Variants in RNF41 observed in about 807,000 individuals in gnomAD.
The protein encoded by RNF41 is E3 ubiquitin-protein ligase NRDP1.
RNF41 carries 4 observed loss-of-function variants against 33.0 expected under a neutral mutation model. That is an observed-to-expected ratio of 0.12 (90% confidence interval 0.06 to 0.28). The LOEUF (loss-of-function observed/expected upper bound fraction) is 0.28, where lower values mean the gene tolerates loss of function less well. RNF41 is among the 10% of genes least tolerant of loss of function. RNF41 has a pLI of 1.00. For synonymous variants in RNF41, 164 were observed against 153.2 expected (o/e 1.07, Z -0.52); for missense variants, 228 against 432.6 (o/e 0.53, Z 4.19).
At chr12:56,213,086 G>A (rs910623940) in intron 3 of RNF41, 5 of 1,289,578 alleles carry the variant, frequency 3.9e-6, no homozygotes, top group Non-Finnish European at 5.1e-6. Context: ...ACCTATTGAA[G>A]GTGGCAGCTT....
At chr12:56,219,666 T>C (rs368238345) in intron 1 of RNF41, among the ~76,000 whole-genome samples, 297 of 9,956 alleles carry the variant, frequency 0.03, 3 homozygotes, top group South Asian at 0.19. Context: ...TATATATGTG[T>C]ATATACACGC....
intron 1 of RNF41, among the ~76,000 whole-genome samples, chr12:56,221,363 C>A (rs75842277): frequency 1.8e-3 from 277 of 152,246 alleles, no homozygotes; most frequent in African/African-American, 5.8e-3. Flanking sequence ...TATGGCGCTT[C>A]GAGGGCGGGG....
Position 56,210,326 on chromosome 12 carries a change from C to T in RNF41, c.333G>A (p.Lys111=), listed in dbSNP as rs145949148. The T allele has an allele frequency of 6.7e-5, 108 of 1,614,014 alleles. No individual in the cohort carries two copies. Among genetic ancestry groups the T allele is most frequent in the Non-Finnish European group, 8.9e-5 (105 of 1,179,914 alleles). The part of the protein sequence containing the change: ...SHLSDCEHNP[K]RPVTCEQGCG... ...AGCCCTGTTCACAGGTCACAGGCCGCTTCGGGTTGTGCTCACAGTCGCTGA... is the reference window on the plus strand; with the variant it reads ...AGCCCTGTTCACAGGTCACAGGCCGTTTCGGGTTGTGCTCACAGTCGCTGA... Residue 111 remains lysine (K), a synonymous_variant, in exon 4 of 7, where the codon AAG becomes AAA. Coordinates refer to ENST00000345093, the MANE Select transcript of RNF41 (RefSeq NM_005785.4).
intron 6 of RNF41, chr12:56,207,190 G>A: frequency 7.5e-7 from 1 of 1,329,160 alleles, no homozygotes; most frequent in Non-Finnish European, 9.8e-7. Context: ...GAACTGTATA[G>A]GACTCCAGAA....
rs760261554 is a variant in RNF41, at chr12:56,207,350, C to G, written c.602+296G>C. 29 of 1,152,924 alleles carry G rather than the reference C, an allele frequency of 2.5e-5. 1 individual carries two copies. Among genetic ancestry groups the G allele is most frequent in the East Asian group, 2.2e-4 (6 of 27,612 alleles). 71.4% of individuals were successfully genotyped at this position (1,152,924 alleles called of 1,614,324 possible). The stretch of plus-strand genomic sequence containing the variant: ...ATATCTTCTATTTCTTTTTGGCCCT[C>G]CTAGCACTCCACAGCCTTTAATACA... On this transcript the variant is annotated intron_variant, in intron 6 of 6. Coordinates refer to ENST00000345093, the MANE Select transcript of RNF41 (RefSeq NM_005785.4).
chr12:56,216,850 G>A (rs1468061516), intron 1 of RNF41, among the ~76,000 whole-genome samples: 2 of 152,118 alleles, frequency 1.3e-5, no homozygotes, highest in Non-Finnish European at 2.9e-5. Flanking sequence ...GAAAGAAAAG[G>A]ACAAGAGAGG....
At position 56,213,985 on chromosome 12, in the gene RNF41, G is replaced by A. The variant is rs1161863743; in HGVS notation, c.63C>T (p.Cys21=). 1 of 1,613,672 alleles carries A rather than the reference G, an allele frequency of 6.2e-7. No homozygotes were observed. The highest frequency in any genetic ancestry group is 8.5e-7 in the Non-Finnish European group (1 of 1,179,766). Residue 21 remains cysteine, a synonymous_variant, in exon 3 of 7, where the codon TGC becomes TGT. Transcript: ENST00000345093. ...GTACTGGCTCCTCCAAGACTCCACTGCAAATAGGGCAGATAAGATCTTCGT... is the reference window on the plus strand; with the variant it reads ...GTACTGGCTCCTCCAAGACTCCACTACAAATAGGGCAGATAAGATCTTCGT... The part of the protein sequence containing the change: ...DVDEDLICPI[C]SGVLEEPVQA...
intron 1 of RNF41, among the ~76,000 whole-genome samples, chr12:56,220,753 G>T (rs143460217): frequency 4.8e-4 from 72 of 151,460 alleles, no homozygotes; most frequent in Non-Finnish European, 5.9e-5. Context: ...AAACAAGAAT[G>T]CAAAATAAAT....
At chr12:56,219,692 A>G (rs1436048670) in intron 1 of RNF41, among the ~76,000 whole-genome samples, 3 of 60,156 alleles carry the variant, frequency 5.0e-5, no homozygotes, top group Non-Finnish European at 1.3e-4. Context: ...CCCCTTATAC[A>G]TACTGTCTGC....
In RNF41 at chr12:56,206,060, T is replaced by C. The variant is rs1490540089; in HGVS notation, c.*387A>G. On this transcript the variant is annotated 3_prime_UTR_variant, in exon 7 of 7. Coordinates refer to ENST00000345093, the MANE Select transcript of RNF41 (RefSeq NM_005785.4). This position sits in a 1 kb window ranked among gnomAD's most constrained non-coding sequence, Gnocchi z 5.7. ...TTAGAGTCAACAGGCCTGACTGCTC[T>C]GATTCCCTGGTTTTGGAGGAGAGGG... 2 of 199,238 alleles carry C rather than the reference T, an allele frequency of 1.0e-5. No individual in the cohort carries two copies. Among genetic ancestry groups the C allele is most frequent in the Non-Finnish European group, 2.1e-5 (2 of 96,078 alleles). 12.3% of individuals were successfully genotyped at this position (199,238 alleles called of 1,614,324 possible).
intron 1 of RNF41, among the ~76,000 whole-genome samples, chr12:56,219,643 A>ATG (rs1565947215): frequency 6.5e-5 from 3 of 46,114 alleles, no homozygotes; most frequent in African/African-American, 1.5e-4. Flanking sequence ...AGGTGTATAT[A>ATG]TGTGTGTGTG....
At chr12:56,217,315 G>A (rs1868979877) in intron 1 of RNF41, among the ~76,000 whole-genome samples, 1 of 152,174 alleles carries the variant, frequency 6.6e-6, no homozygotes. Context: ...GGGAGGCCGA[G>A]GCGGGTGGAT....
intron 2 of RNF41, among the ~76,000 whole-genome samples, chr12:56,215,055 G>A (rs1477799892): frequency 6.6e-6 from 1 of 152,114 alleles, no homozygotes; most frequent in African/African-American, 2.4e-5. Flanking sequence ...CTAAATGTTG[G>A]GGGAGCAGGG....
In RNF41 at chr12:56,205,457, T is replaced by C. The variant is rs1340484394; in HGVS notation, c.*990A>G. On this transcript the variant is annotated 3_prime_UTR_variant, in exon 7 of 7. Coordinates refer to ENST00000345093, the MANE Select transcript of RNF41 (RefSeq NM_005785.4). ...GGAACATCAAAAGAAAAGTTTCAAG[T>C]TTGATTTTTTTTTCTTTTTTCCTTT... 7.0e-6 allele frequency: 1 copy of C among 141,908 alleles called. No homozygotes were observed. The highest frequency in any genetic ancestry group is 1.5e-5 in the Non-Finnish European group (1 of 66,200). The allele number at this position is 141,908 out of a possible 1,614,324, so 8.8% of individuals were successfully genotyped here. A position where few individuals can be genotyped will look rare whatever the true frequency, so the allele number is the denominator to read the frequency against.
chr12:56,220,972 T>C (rs1252507932), intron 1 of RNF41, among the ~76,000 whole-genome samples: 3 of 152,118 alleles, frequency 2.0e-5, no homozygotes, highest in African/African-American at 4.8e-5. Context: ...AAAACCCCTG[T>C]ATAGAAAGGG....
chr12:56,216,871 T>C (rs1202079735), intron 1 of RNF41, among the ~76,000 whole-genome samples: 1 of 152,206 alleles, frequency 6.6e-6, no homozygotes, highest in Admixed American at 6.5e-5. Flanking sequence ...CCGGGCGTGG[T>C]GGCTCACGCC....
chr12:56,208,711 C>T (rs937571209), intron 4 of RNF41, among the ~76,000 whole-genome samples: 2 of 151,450 alleles, frequency 1.3e-5, no homozygotes, highest in Non-Finnish European at 2.9e-5. Context: ...ATTACAGGTG[C>T]GCGCCACCAT....
At chr12:56,213,701 G>A (rs1868648143) in intron 3 of RNF41, among the ~76,000 whole-genome samples, 1 of 152,126 alleles carries the variant, frequency 6.6e-6, no homozygotes, top group African/African-American at 2.4e-5. Context: ...GCAGCTGACT[G>A]TTTTACAGGA....
intron 4 of RNF41, among the ~76,000 whole-genome samples, chr12:56,209,855 C>A (rs778568033): frequency 6.6e-6 from 1 of 152,136 alleles, no homozygotes; most frequent in Non-Finnish European, 1.5e-5. Flanking sequence ...TTGCCCACTT[C>A]GGCCTCCCAA....
Sources: gnomAD v4.1 joint callset for allele counts (sites outside exome capture counted in the v4.1 genomes callset) on GRCh38, gnomAD v4.1.1 for gene constraint, Gnocchi (gnomAD v3.1) non-coding constraint, MANE v1.5 for transcripts, NCBI Gene and HGNC (gene_info 2026-07-23, HGNC 2026-07-21) for gene names.